The following BCL2L13 variants were observed in gnomAD, a reference collection of about 807,000 sequenced individuals.
BCL2L13 encodes the protein BCL2 like 13.
BCL2L13 carries 13 observed loss-of-function variants against 25.8 expected under a neutral mutation model. The observed-to-expected ratio is 0.50, with a 90% confidence interval of 0.33 to 0.80. BCL2L13 has a LOEUF of 0.80. BCL2L13 is among the 30% of genes least tolerant of loss of function. The probability of loss-of-function intolerance (pLI) is 0.02; values close to 1 mark genes in which losing one functional copy is unlikely to be tolerated. For missense variants in BCL2L13, 504 were observed against 574.9 expected (o/e 0.88, Z 1.26); for synonymous variants, 244 against 230.3 (o/e 1.06, Z -0.54).
chr22:17,631,664 G>GTATA (rs2058019071), intron 1 of BCL2L13, among the ~76,000 whole-genome samples: 67 of 26,882 alleles, frequency 2.5e-3, no homozygotes, highest in African/African-American at 3.1e-3. Context: ...ATGTATGTGT[G>GTATA]TGTGTGTATA....
intron 6 of BCL2L13, among the ~76,000 whole-genome samples, chr22:17,723,942 C>A (rs1464021061): frequency 1.3e-4 from 17 of 132,674 alleles, no homozygotes; most frequent in Admixed American, 1.0e-3. Flanking sequence ...AAAAAAAAAA[C>A]AAAAAAAAAC....
chr22:17,698,275 C>T (rs1172936162), intron 5 of BCL2L13, among the ~76,000 whole-genome samples: 1 of 151,998 alleles, frequency 6.6e-6, no homozygotes, highest in Non-Finnish European at 1.5e-5. Context: ...CCACTATGCC[C>T]AGCTAATTTT....
upstream of BCL2L13, among the ~76,000 whole-genome samples, chr22:17,637,476 G>C (rs1486673166): frequency 6.6e-6 from 1 of 150,490 alleles, no homozygotes; most frequent in Non-Finnish European, 1.5e-5. Flanking sequence ...CCAGGCTCAA[G>C]CGATTCTCCT....
At position 17,638,792 on chromosome 22, in the gene BCL2L13, G is replaced by T; in HGVS notation, c.-145G>T. 1 of 1,231,754 alleles carries T rather than the reference G, an allele frequency of 8.1e-7. No individual in the cohort carries two copies. The highest frequency in any genetic ancestry group is 1.0e-6 in the Non-Finnish European group (1 of 988,002). 76.3% of individuals were successfully genotyped at this position (1,231,754 alleles called of 1,614,324 possible). ...ATGGCGGCGGCGGTAGATTAGGGCC[G>T]CGGGTCGGAGCACTCACCGCCGCTG... is the stretch of plus-strand genomic sequence containing the variant. On this transcript the variant is annotated 5_prime_UTR_variant, in exon 1 of 7. Coordinates refer to ENST00000317582, the MANE Select transcript of BCL2L13 (RefSeq NM_015367.4).
rs148743731 is a variant in BCL2L13 at position 17,682,310 on chromosome 22, T to C, written c.122-904T>C. 2.6e-4 allele frequency among the ~76,000 whole-genome samples: 39 copies of C among 152,304 alleles called. No homozygotes were observed. The East Asian group carries it at 7.5e-3, about 29-fold the overall frequency. ...TGGTGGAATTTTAGCCTCAGTTGTG[T>C]GCTTTGTGGACTTAAGCAGCAGTCA... is the stretch of plus-strand genomic sequence containing the variant. On this transcript the variant is annotated intron_variant, in intron 2 of 6. Coordinates refer to ENST00000317582, the MANE Select transcript of BCL2L13 (RefSeq NM_015367.4).
chr22:17,725,270 T>G (rs542019237), intron 6 of BCL2L13, among the ~76,000 whole-genome samples: 67 of 152,366 alleles, frequency 4.4e-4, no homozygotes, highest in Middle Eastern at 6.8e-3. Context: ...TTCTTAGCTG[T>G]CATTCAGGTT....
chr22:17,651,806 T>C (rs986617045), intron 1 of BCL2L13, among the ~76,000 whole-genome samples: 1 of 152,076 alleles, frequency 6.6e-6, no homozygotes, highest in Non-Finnish European at 1.5e-5. Context: ...TTCTCCTGCC[T>C]CAGCCTCCTG....
intron 6 of BCL2L13, among the ~76,000 whole-genome samples, chr22:17,724,273 T>A (rs189707335): frequency 8.1e-4 from 124 of 152,292 alleles, no homozygotes; most frequent in Non-Finnish European, 1.6e-3. Flanking sequence ...ACCCCAACTC[T>A]AAAAATACAA....
intron 2 of BCL2L13, among the ~76,000 whole-genome samples, chr22:17,673,482 C>T (rs916280326): frequency 1.3e-5 from 2 of 151,390 alleles, no homozygotes; most frequent in African/African-American, 4.9e-5. Context: ...ATTCACCTGC[C>T]TCAGGCTCCT....
In BCL2L13 at chr22:17,702,325, A is replaced by G; in HGVS notation, c.539A>G (p.Gln180Arg). The stretch of plus-strand genomic sequence containing the variant: ...CAAGAACCTTTGAGCGCACTGCTGC[A>G]GTTTGGCGTGACATACCTGGAGGAC... ...RGQEPLSALL[Q>R]FGVTYLEDYS... is the part of the protein sequence containing the mutation. The change falls in exon 6 of 7, where the codon CAG (glutamine) becomes CGG (arginine). Residue 180 changes from glutamine to arginine, a missense_variant. Gln to Arg is a conservative substitution (Grantham distance 43). Transcript: ENST00000317582. 1 of 1,612,676 alleles carries G rather than the reference A, an allele frequency of 6.2e-7. No individual in the cohort carries two copies. Among genetic ancestry groups the G allele is most frequent in the East Asian group, 2.2e-5 (1 of 44,780 alleles).
At chr22:17,693,368 G>GTTTTTTTTTTTTTT (rs1335053444) in intron 4 of BCL2L13, among the ~76,000 whole-genome samples, 1 of 112,244 alleles carries the variant, frequency 8.9e-6, no homozygotes, top group African/African-American at 3.9e-5. Flanking sequence ...TTTATTTAGT[G>GTTTTTTTTTTTTTT]TTTGTTTTTT....
intron 2 of BCL2L13, among the ~76,000 whole-genome samples, chr22:17,666,198 G>GTTTTTT (rs2059225782): frequency 8.1e-6 from 1 of 123,488 alleles, no homozygotes; most frequent in Non-Finnish European, 1.7e-5. Context: ...ATTTTTAAAT[G>GTTTTTT]TATTTTTATT....
chr22:17,721,822 G>A (rs760813610), intron 6 of BCL2L13, among the ~76,000 whole-genome samples: 2 of 151,986 alleles, frequency 1.3e-5, no homozygotes, highest in South Asian at 2.1e-4. Context: ...CACCACACCC[G>A]GCTAATTTTT....
At chr22:17,699,917 C>G (rs1248553017) in intron 5 of BCL2L13, among the ~76,000 whole-genome samples, 2 of 151,932 alleles carry the variant, frequency 1.3e-5, no homozygotes, top group African/African-American at 4.8e-5. Flanking sequence ...TAAAGACAAT[C>G]TAAACGGTAC....
chr22:17,715,838 CAACA>C (rs904982677), intron 6 of BCL2L13, among the ~76,000 whole-genome samples: 1 of 152,058 alleles, frequency 6.6e-6, no homozygotes, highest in Non-Finnish European at 1.5e-5. Flanking sequence ...TGACCTTGGA[CAACA>C]AAGACACAGG....
At chr22:17,713,740 A>G (rs561313257) in intron 6 of BCL2L13, among the ~76,000 whole-genome samples, 48 of 151,682 alleles carry the variant, frequency 3.2e-4, no homozygotes, top group African/African-American at 7.2e-4. Flanking sequence ...GATTACAGGC[A>G]TGAGCCACTG....
chr22:17,638,872 A>G lies in BCL2L13; in HGVS notation c.-65A>G, dbSNP rs954077446. On this transcript the variant is annotated 5_prime_UTR_variant, in exon 1 of 7. Transcript: ENST00000317582. ...CCGCCTCTTTCATCTCTTCTGGGGC[A>G]GGGGCCAGGGCCAGGTGAGGGGAGT... The G allele has an allele frequency of 4.1e-6, 5 of 1,232,450 alleles. No homozygotes were observed. In the African/African-American group the frequency reaches 7.8e-5, roughly 19 times the overall value. The allele number at this position is 1,232,450 out of a possible 1,614,324, so 76.3% of individuals were successfully genotyped here.
intron 6 of BCL2L13, among the ~76,000 whole-genome samples, chr22:17,722,631 C>T (rs1251369601): frequency 1.3e-5 from 2 of 152,230 alleles, no homozygotes; most frequent in African/African-American, 4.8e-5. Context: ...GTAGTGTCAG[C>T]TCTCAAACTG....
chr22:17,693,372 G>GT (rs869268984), intron 4 of BCL2L13, among the ~76,000 whole-genome samples: 1,019 of 70,586 alleles, frequency 0.014, 131 homozygotes, highest in African/African-American at 0.039. Context: ...TTTAGTGTTT[G>GT]TTTTTTTTTT....
Sources: allele counts gnomAD v4.1 joint callset (sites outside exome capture counted in the v4.1 genomes callset), GRCh38; gene constraint gnomAD v4.1.1; transcripts MANE v1.5; gene names NCBI Gene and HGNC (gene_info 2026-07-23, HGNC 2026-07-21).